The following SOX6 variants were observed in gnomAD, a reference collection of about 807,000 sequenced individuals.
The protein encoded by SOX6 is SRY-box transcription factor 6.
Under a neutral mutation model 97.8 loss-of-function variants are expected in SOX6, and 11 were observed. The ratio of observed to expected loss-of-function variants is 0.11; its 90% confidence interval spans 0.07 to 0.19. The LOEUF (loss-of-function observed/expected upper bound fraction) is 0.19, where lower values mean the gene tolerates loss of function less well. Ranked by LOEUF, SOX6 falls within the 10% of genes least tolerant of loss-of-function variation. The pLI, the probability that SOX6 is intolerant of heterozygous loss-of-function variation, is 1.00. For synonymous variants in SOX6, 360 were observed against 371.4 expected (o/e 0.97, Z 0.35); for missense variants, 810 against 1,039.5 (o/e 0.78, Z 3.04).
intron 3 of SOX6, among the ~76,000 whole-genome samples, chr11:16,667,609 G>A (rs1847816930): frequency 6.6e-6 from 1 of 151,794 alleles, no homozygotes; most frequent in African/African-American, 2.4e-5. Flanking sequence ...TCAAACATGG[G>A]GAAATAAAGA....
intron 6 of SOX6, among the ~76,000 whole-genome samples, chr11:16,181,477 A>G (rs1012366550): frequency 2.0e-5 from 3 of 151,508 alleles, no homozygotes; most frequent in African/African-American, 7.3e-5. Context: ...AGCATTTAAA[A>G]TTAATCCAAC....
intron 3 of SOX6, among the ~76,000 whole-genome samples, chr11:16,637,940 T>A (rs1848817087): frequency 1.3e-5 from 2 of 151,838 alleles, no homozygotes; most frequent in African/African-American, 4.8e-5. Flanking sequence ...TACTTTAAGT[T>A]CTAGGGTACA....
chr11:16,139,902 A>T (rs1850082217), intron 6 of SOX6, among the ~76,000 whole-genome samples: 3 of 148,624 alleles, frequency 2.0e-5, no homozygotes, highest in Admixed American at 1.4e-4. Context: ...ATTTTCCTTC[A>T]TTTCATATTT....
intron 2 of SOX6, among the ~76,000 whole-genome samples, chr11:16,321,526 A>T (rs907577143): frequency 2.6e-5 from 4 of 152,058 alleles, no homozygotes; most frequent in Non-Finnish European, 5.9e-5. Context: ...TTATTTACGC[A>T]TTGTTATGGA....
intron 4 of SOX6, among the ~76,000 whole-genome samples, chr11:16,220,751 A>G (rs1852513539): frequency 6.6e-6 from 1 of 151,962 alleles, no homozygotes; most frequent in Admixed American, 6.6e-5. Flanking sequence ...CCTGAAATGC[A>G]TGGTTGTTGT....
intron 4 of SOX6, among the ~76,000 whole-genome samples, chr11:16,579,513 T>C (rs1848012085): frequency 6.6e-6 from 1 of 152,086 alleles, no homozygotes; most frequent in South Asian, 2.1e-4. Context: ...CTGAACTTAA[T>C]AAATGAAATC....
rs536989935 is a variant in SOX6 at position 16,645,152 on chromosome 11, C to T, written n.430-32892G>A. On this transcript the variant is annotated intron_variant and non_coding_transcript_variant, in intron 3 of 5. Coordinates refer to the SOX6 transcript ENST00000524520. ...CACAGATTTCCTGGATTCTGTTTTC[C>T]TTTTCATCCCAGCTTTCAATCAAAT... is the stretch of plus-strand genomic sequence containing the variant. 2.6e-5 allele frequency among the ~76,000 whole-genome samples: 4 copies of T among 152,238 alleles called. 1 individual carries two copies. The South Asian group carries it at 6.2e-4, about 24-fold the overall frequency.
intron 7 of SOX6, among the ~76,000 whole-genome samples, chr11:16,101,746 T>C (rs1372790124): frequency 6.6e-6 from 1 of 151,920 alleles, no homozygotes; most frequent in East Asian, 1.9e-4. Context: ...ATACACATGA[T>C]ACACCACATA....
At chr11:16,708,140 T>G (rs551415014) in intron 3 of SOX6, among the ~76,000 whole-genome samples, 1 of 152,182 alleles carries the variant, frequency 6.6e-6, no homozygotes, top group Non-Finnish European at 1.5e-5. Context: ...TTACCAAATA[T>G]ATTTCCTTTT....
intron 3 of SOX6, among the ~76,000 whole-genome samples, chr11:16,684,472 T>A (rs1590051240): frequency 6.6e-6 from 1 of 150,448 alleles, no homozygotes; most frequent in Non-Finnish European, 1.5e-5. Flanking sequence ...CAGCAAACTA[T>A]CACAAGGACA....
In SOX6 at chr11:16,111,939, G is replaced by A; in HGVS notation, c.778-16C>T. ...GACCCTGAACCTGCTAAACAGAAGA[G>A]AGCCTATGATCAGACAGGGAGCAAA... On this transcript the variant is annotated splice_polypyrimidine_tract_variant and intron_variant, in intron 6 of 15. Coordinates refer to ENST00000683767, the MANE Select transcript of SOX6 (RefSeq NM_001367873.1). 6.2e-7 allele frequency: 1 copy of A among 1,611,912 alleles called. No homozygotes were observed. Among genetic ancestry groups the A allele is most frequent in the Non-Finnish European group, 8.5e-7 (1 of 1,179,790 alleles).
At chr11:16,593,912 A>T (rs555853086) in intron 4 of SOX6, among the ~76,000 whole-genome samples, 1 of 152,344 alleles carries the variant, frequency 6.6e-6, no homozygotes, top group South Asian at 2.1e-4. Context: ...ATTCAGAATT[A>T]AAAAAGAAAA....
chr11:16,299,300 C>T (rs990266368), intron 3 of SOX6, among the ~76,000 whole-genome samples: 1 of 152,092 alleles, frequency 6.6e-6, no homozygotes, highest in Non-Finnish European at 1.5e-5. Context: ...ATGATGATAA[C>T]AATGTATTTT....
chr11:16,639,893 C>A (rs1332373144), intron 3 of SOX6, among the ~76,000 whole-genome samples: 1 of 152,058 alleles, frequency 6.6e-6, no homozygotes, highest in Non-Finnish European at 1.5e-5. Flanking sequence ...TAATTGAATA[C>A]CCTTTATTTC....
intron 4 of SOX6, among the ~76,000 whole-genome samples, chr11:16,505,710 T>C (rs1860774375): frequency 6.6e-6 from 1 of 152,206 alleles, no homozygotes; most frequent in Admixed American, 6.5e-5. Flanking sequence ...AAAATGGTTC[T>C]GTGAGCCATA....
chr11:16,487,207 T>C (rs929505460), intron 4 of SOX6, among the ~76,000 whole-genome samples: 2 of 152,146 alleles, frequency 1.3e-5, no homozygotes, highest in African/African-American at 2.4e-5. Flanking sequence ...TTTTTTAAAA[T>C]ATAAGGAGGT....
intron 14 of SOX6, among the ~76,000 whole-genome samples, chr11:15,987,849 T>G (rs994430888): frequency 2.0e-5 from 3 of 151,962 alleles, no homozygotes; most frequent in African/African-American, 7.2e-5. Flanking sequence ...TGACATTTAG[T>G]ATCCATTTTG....
At chr11:16,125,873 A>AGGAAGGAAGGAG (rs1438187281) in intron 6 of SOX6, among the ~76,000 whole-genome samples, 2 of 149,574 alleles carry the variant, frequency 1.3e-5, no homozygotes, top group Non-Finnish European at 3.0e-5. Context: ...GAAGGAAGGA[A>AGGAAGGAAGGAG]GGAAAGTTTA....
At chr11:16,250,333 A>T (rs1033071169) in intron 3 of SOX6, among the ~76,000 whole-genome samples, 1 of 152,130 alleles carries the variant, frequency 6.6e-6, no homozygotes, top group African/African-American at 2.4e-5. Context: ...GCTTCTGGAG[A>T]TTTAACAGAA....
Sources: allele counts gnomAD v4.1 joint callset (sites outside exome capture counted in the v4.1 genomes callset), GRCh38; gene constraint gnomAD v4.1.1; transcripts MANE v1.5; gene names NCBI Gene and HGNC (gene_info 2026-07-23, HGNC 2026-07-21).